The following CNTN5 variants were observed in gnomAD, a reference collection of about 807,000 sequenced individuals.
CNTN5 encodes contactin-5.
In CNTN5, 77 loss-of-function variants were observed where a neutral mutation model predicts 129.1. That is an observed-to-expected ratio of 0.60 (90% confidence interval 0.50 to 0.72). CNTN5 has a LOEUF of 0.72. CNTN5 is among the 30% of genes least tolerant of loss of function. The pLI is 0.00. For synonymous variants in CNTN5, 509 were observed against 465.6 expected, an observed-to-expected ratio of 1.09 and a Z score of -1.20; for missense variants, 1,478 against 1,328.8, an observed-to-expected ratio of 1.11 and a Z score of -1.75.
intron 3 of CNTN5, among the ~76,000 whole-genome samples, chr11:99,665,536 A>G (rs750486735): frequency 1.7e-4 from 21 of 120,426 alleles, no homozygotes; most frequent in Non-Finnish European, 2.8e-4. Context: ...CTCAGGCTGG[A>G]GTGCAATGGC....
chr11:100,286,379 GTGGTTCTCCCAGCACGCAGC>G (rs1950792314), intron 18 of CNTN5, among the ~76,000 whole-genome samples: 2 of 151,770 alleles, frequency 1.3e-5, no homozygotes, highest in East Asian at 3.9e-4. Flanking sequence ...GAAGAGAGCA[GTGGTTCTCCCAGCACGCAGC>G]TGGAGATCTG....
chr11:99,108,573 A>T (rs538825144), intron 1 of CNTN5, among the ~76,000 whole-genome samples: 2 of 152,306 alleles, frequency 1.3e-5, no homozygotes, highest in South Asian at 4.1e-4. Context: ...AACATCATAG[A>T]ATTTCTAATT....
intron 10 of CNTN5, among the ~76,000 whole-genome samples, chr11:100,064,208 A>G (rs1943602603): frequency 1.3e-5 from 2 of 152,344 alleles, no homozygotes; most frequent in South Asian, 4.1e-4. Flanking sequence ...TACTGAAAAC[A>G]ATGGTAGCAC....
At chr11:99,099,746 C>G (rs761649100) in intron 1 of CNTN5, among the ~76,000 whole-genome samples, 1 of 152,084 alleles carries the variant, frequency 6.6e-6, no homozygotes, top group Non-Finnish European at 1.5e-5. Flanking sequence ...TAAGCCTTTC[C>G]TAAATCATAA....
chr11:99,760,862 T>C (rs1166124268), intron 3 of CNTN5, among the ~76,000 whole-genome samples: 1 of 152,156 alleles, frequency 6.6e-6, no homozygotes, highest in Non-Finnish European at 1.5e-5. Context: ...TTTTGTATCA[T>C]GTTGACTACA....
intron 3 of CNTN5, among the ~76,000 whole-genome samples, chr11:99,618,011 TGAA>T (rs2135751650): frequency 6.6e-6 from 1 of 152,296 alleles, no homozygotes; most frequent in East Asian, 1.9e-4. Flanking sequence ...AGAACTTTAA[TGAA>T]GGAGTGGAGT....
chr11:99,026,100 T>C (rs572534199), intron 1 of CNTN5, among the ~76,000 whole-genome samples: 186 of 151,754 alleles, frequency 1.2e-3, no homozygotes, highest in African/African-American at 4.4e-3. Context: ...AACAGGAATT[T>C]TTAAAAGAAT....
chr11:100,284,419 G>A (rs1950719946), intron 18 of CNTN5, among the ~76,000 whole-genome samples: 1 of 152,126 alleles, frequency 6.6e-6, no homozygotes, highest in African/African-American at 2.4e-5. Flanking sequence ...ACAGCCCTGT[G>A]TTTAATTTTT....
At chr11:99,827,862 G>T (rs903985349) in intron 4 of CNTN5, among the ~76,000 whole-genome samples, 1 of 152,000 alleles carries the variant, frequency 6.6e-6, no homozygotes, top group African/African-American at 2.4e-5. Context: ...ATTTTTCTTT[G>T]ATCGGTCAAT....
intron 2 of CNTN5, among the ~76,000 whole-genome samples, chr11:99,425,464 G>A (rs1943077618): frequency 6.6e-6 from 1 of 152,212 alleles, no homozygotes; most frequent in East Asian, 1.9e-4. Flanking sequence ...ACCACCCCTT[G>A]CCTCTCTGCT....
Position 99,265,868 on chromosome 11 carries a change from A to G in CNTN5, c.-209-59478A>G, listed in dbSNP as rs552512550. Among the ~76,000 whole-genome samples, 153 of 152,160 alleles carry G rather than the reference A, an allele frequency of 1.0e-3. 1 individual carries two copies. Among genetic ancestry groups the G allele is most frequent in the Non-Finnish European group, 1.8e-3 (120 of 67,984 alleles). On this transcript the variant is annotated intron_variant, in intron 1 of 24. Transcript: ENST00000524871. ...GCTGTGTCTATTATATACTATATTA[A>G]GCTCTAAGTTTGGCATAAGGTATAG...
At chr11:99,529,559 T>C (rs1316833375) in intron 2 of CNTN5, among the ~76,000 whole-genome samples, 1 of 152,198 alleles carries the variant, frequency 6.6e-6, no homozygotes, top group East Asian at 1.9e-4. Context: ...ATTTCAACAT[T>C]AGGGTTAAGG....
chr11:100,101,171 A>G (rs117773013), intron 13 of CNTN5, among the ~76,000 whole-genome samples: 338 of 152,264 alleles, frequency 2.2e-3, no homozygotes, highest in Non-Finnish European at 2.5e-3. Flanking sequence ...ATTTGCATCA[A>G]CTTGATGATT....
At chr11:99,251,083 A>G (rs1415782162) in intron 1 of CNTN5, among the ~76,000 whole-genome samples, 1 of 151,978 alleles carries the variant, frequency 6.6e-6, no homozygotes, top group Non-Finnish European at 1.5e-5. Flanking sequence ...CATGAATCAG[A>G]TACATCTCTC....
intron 7 of CNTN5, among the ~76,000 whole-genome samples, chr11:99,916,540 T>C (rs554191516): frequency 2.6e-5 from 4 of 152,128 alleles, no homozygotes; most frequent in Non-Finnish European, 2.9e-5. Flanking sequence ...AACTGGATAC[T>C]TAGTTGTTTA....
At chr11:99,693,747 A>G (rs1207822859) in intron 3 of CNTN5, among the ~76,000 whole-genome samples, 2 of 152,192 alleles carry the variant, frequency 1.3e-5, no homozygotes, top group Non-Finnish European at 2.9e-5. Context: ...TCTTTGATTT[A>G]TAATAATGTG....
chr11:99,712,229 G>C (rs192883540), intron 3 of CNTN5, among the ~76,000 whole-genome samples: 7 of 152,268 alleles, frequency 4.6e-5, no homozygotes, highest in Admixed American at 3.3e-4. Flanking sequence ...CTAATGACCA[G>C]TGATGATGAG....
chr11:100,088,061 A>G (rs1944623320), intron 13 of CNTN5, among the ~76,000 whole-genome samples: 1 of 152,022 alleles, frequency 6.6e-6, no homozygotes, highest in Non-Finnish European at 1.5e-5. Context: ...ATTCTTTGAA[A>G]TAAATGAAGA....
chr11:99,600,851 G>A (rs1457853011), intron 3 of CNTN5, among the ~76,000 whole-genome samples: 1 of 152,132 alleles, frequency 6.6e-6, no homozygotes, highest in Admixed American at 6.6e-5. Context: ...ACATTTTCAA[G>A]AAGCTCAAAG....
Sources: allele counts gnomAD v4.1 joint callset (sites outside exome capture counted in the v4.1 genomes callset), GRCh38; gene constraint gnomAD v4.1.1; transcripts MANE v1.5; gene names NCBI Gene and HGNC (gene_info 2026-07-23, HGNC 2026-07-21).